Variants in HS6ST3 observed in about 807,000 individuals in gnomAD.
HS6ST3 encodes heparan-sulfate 6-O-sulfotransferase 3.
In HS6ST3, 12 loss-of-function variants were observed where a neutral mutation model predicts 36.7. The ratio of observed to expected loss-of-function variants is 0.33; its 90% CI spans 0.21 to 0.53. The LOEUF (loss-of-function observed/expected upper bound fraction) is 0.53. Ranked by LOEUF, HS6ST3 falls within the 20% of genes least tolerant of loss-of-function variation. HS6ST3 has a pLI of 0.95. For synonymous variants in HS6ST3, 240 were observed against 257.5 expected, an observed-to-expected ratio of 0.93 and a Z score of 0.65; for missense variants, 584 against 640.9, an observed-to-expected ratio of 0.91 and a Z score of 0.96.
chr13:96,128,410 C>T (rs1316961900), intron 1 of HS6ST3, among the ~76,000 whole-genome samples: 1 of 152,134 alleles, frequency 6.6e-6, no homozygotes, highest in Non-Finnish European at 1.5e-5. Context: ...AGGATGGGTC[C>T]AGCATGGGTT....
rs529364497 is a variant in HS6ST3 at position 96,657,411 on chromosome 13, C to A, written c.708-175079C>A. Among the ~76,000 whole-genome samples, 16 of 152,090 alleles carry A rather than the reference C, an allele frequency of 1.1e-4. No homozygotes were observed. The South Asian group carries it at 3.1e-3, about 30-fold the overall frequency. On this transcript the variant is annotated intron_variant, in intron 1 of 1. Coordinates refer to ENST00000376705, the MANE Select transcript of HS6ST3 (RefSeq NM_153456.4). ...TGGCACATACCTATGGTCCTAGCTACTTGGGAGGCTGAAGTGGGAGGATCG... is the reference window on the plus strand; with the variant it reads ...TGGCACATACCTATGGTCCTAGCTAATTGGGAGGCTGAAGTGGGAGGATCG...
intron 1 of HS6ST3, among the ~76,000 whole-genome samples, chr13:96,517,321 A>G (rs2056076553): frequency 6.6e-6 from 1 of 152,112 alleles, no homozygotes; most frequent in Non-Finnish European, 1.5e-5. Flanking sequence ...TTGAGGCTGC[A>G]GTGAGCTGTG....
intron 1 of HS6ST3, among the ~76,000 whole-genome samples, chr13:96,676,528 T>C (rs1472761128): frequency 2.0e-5 from 3 of 152,146 alleles, no homozygotes. Flanking sequence ...TTATTCGAGA[T>C]ATGAGCCACT....
intron 1 of HS6ST3, among the ~76,000 whole-genome samples, chr13:96,802,603 A>G (rs1460979141): frequency 6.6e-6 from 1 of 152,162 alleles, no homozygotes; most frequent in African/African-American, 2.4e-5. Context: ...ATTCTTCAAG[A>G]TGTACTGAGA....
chr13:96,232,782 A>G (rs1280255960), intron 1 of HS6ST3, among the ~76,000 whole-genome samples: 1 of 152,220 alleles, frequency 6.6e-6, no homozygotes, highest in African/African-American at 2.4e-5. Context: ...TGCTGTGCTC[A>G]AAGATGAGAA....
intron 1 of HS6ST3, among the ~76,000 whole-genome samples, chr13:96,142,687 A>G (rs2054037806): frequency 1.3e-5 from 2 of 152,164 alleles, no homozygotes. Context: ...CCATAGTATT[A>G]TTATAGAAGT....
At chr13:96,691,940 A>T (rs1874971533) in intron 1 of HS6ST3, among the ~76,000 whole-genome samples, 1 of 152,148 alleles carries the variant, frequency 6.6e-6, no homozygotes, top group Non-Finnish European at 1.5e-5. Context: ...CATACAACTT[A>T]CACGTGAGAG....
intron 1 of HS6ST3, among the ~76,000 whole-genome samples, chr13:96,364,896 T>C (rs1397769270): frequency 6.6e-6 from 1 of 152,184 alleles, no homozygotes; most frequent in Non-Finnish European, 1.5e-5. Context: ...GACCTTCATC[T>C]GAAAGATGAA....
At chr13:96,239,606 A>G (rs1002693339) in intron 1 of HS6ST3, among the ~76,000 whole-genome samples, 26 of 152,254 alleles carry the variant, frequency 1.7e-4, no homozygotes, top group Admixed American at 1.4e-3. Context: ...TTTACTGTAC[A>G]AAAGAAATTT....
chr13:96,409,263 C>A (rs988118850), intron 1 of HS6ST3, among the ~76,000 whole-genome samples: 1 of 152,186 alleles, frequency 6.6e-6, no homozygotes, highest in South Asian at 2.1e-4. Flanking sequence ...GCATGCTACT[C>A]CATGCTGATA....
intron 1 of HS6ST3, among the ~76,000 whole-genome samples, chr13:96,195,530 C>T (rs1031690990): frequency 2.6e-5 from 4 of 152,166 alleles, no homozygotes; most frequent in East Asian, 1.9e-4. Flanking sequence ...ACAACCTCGT[C>T]GTGAATAACT....
Position 96,706,413 on chromosome 13 carries a change from T to TTATATATATATATATA in HS6ST3, c.708-126064_708-126049dup, listed in dbSNP as rs3052119. 6.1e-3 allele frequency among the ~76,000 whole-genome samples: 735 copies of TTATATATATATATATA among 120,852 alleles called. 12 individuals are homozygous for TTATATATATATATATA. The highest frequency in any genetic ancestry group is 0.016 in the African/African-American group (441 of 28,192). The allele number at this position is 120,852 out of a possible 152,430, so 79.3% of individuals were successfully genotyped here. A position where few individuals can be genotyped will look rare whatever the true frequency, so the allele number is the denominator to read the frequency against. On this transcript the variant is annotated intron_variant, in intron 1 of 1. Transcript: ENST00000376705. ...TATATAAAATATAATAGAATATATT[T>TTATATATATATATATA]TATATATATATATATATATATATAT...
intron 1 of HS6ST3, among the ~76,000 whole-genome samples, chr13:96,378,744 C>A (rs1055168391): frequency 6.6e-6 from 1 of 152,038 alleles, no homozygotes; most frequent in South Asian, 2.1e-4. Context: ...TCTCATTTGC[C>A]GAAAGGAGTT....
At chr13:96,500,639 T>C (rs2055999728) in intron 1 of HS6ST3, among the ~76,000 whole-genome samples, 1 of 152,130 alleles carries the variant, frequency 6.6e-6, no homozygotes, top group Middle Eastern at 3.2e-3. Context: ...GGACCTCCAG[T>C]GATAGTCACT....
chr13:96,199,150 C>T (rs995213669), intron 1 of HS6ST3, among the ~76,000 whole-genome samples: 1 of 152,188 alleles, frequency 6.6e-6, no homozygotes, highest in South Asian at 2.1e-4. Flanking sequence ...CAGTTACCTC[C>T]TCCTAGATCC....
chr13:96,598,709 T>C (rs553373), intron 1 of HS6ST3, among the ~76,000 whole-genome samples: 56,576 of 151,960 alleles, frequency 0.37, 10,806 homozygotes, highest in East Asian at 0.63. Context: ...TCCAGAGCTA[T>C]GTTGTGTAGA....
intron 1 of HS6ST3, among the ~76,000 whole-genome samples, chr13:96,633,214 T>A (rs2139002009): frequency 6.6e-6 from 1 of 152,104 alleles, no homozygotes. Context: ...GGCAGGAACA[T>A]AAATGGGAGG....
chr13:96,552,229 C>T (rs1174725152), intron 1 of HS6ST3, among the ~76,000 whole-genome samples: 1 of 152,162 alleles, frequency 6.6e-6, no homozygotes, highest in Non-Finnish European at 1.5e-5. Context: ...AATGTCCTTC[C>T]TCTTAAACAC....
chr13:96,806,856 T>A (rs192388379), intron 1 of HS6ST3, among the ~76,000 whole-genome samples: 349 of 152,342 alleles, frequency 2.3e-3, no homozygotes, highest in African/African-American at 7.9e-3. Flanking sequence ...AAGCTTTTTA[T>A]AAGCTGATAT....
Sources: allele counts gnomAD v4.1 joint callset (sites outside exome capture counted in the v4.1 genomes callset), GRCh38; gene constraint gnomAD v4.1.1; transcripts MANE v1.5; gene names NCBI Gene and HGNC (gene_info 2026-07-23, HGNC 2026-07-21).